The following ASAP1 variants were observed in gnomAD, a reference collection of about 807,000 sequenced individuals.
ASAP1 encodes arf-GAP with SH3 domain, ANK repeat and PH domain-containing protein 1.
A neutral mutation model predicts 145.2 loss-of-function variants in ASAP1; 43 were observed. The ratio of observed to expected loss-of-function variants is 0.30; its 90% CI spans 0.23 to 0.38. The LOEUF (loss-of-function observed/expected upper bound fraction) is 0.38, where lower values mean the gene tolerates loss of function less well. Ranked by LOEUF, ASAP1 falls within the 10% of genes least tolerant of loss-of-function variation. The pLI, the probability that ASAP1 is intolerant of heterozygous loss-of-function variation, is 1.00. For synonymous variants in ASAP1, 546 were observed against 515.5 expected, an observed-to-expected ratio of 1.06 and a Z score of -0.80; for missense variants, 1,018 against 1,355.3, an observed-to-expected ratio of 0.75 and a Z score of 3.91.
intron 23 of ASAP1, 101 bp downstream of exon 23, chr8:130,115,526 TA>T: frequency 1.1e-6 from 1 of 923,078 alleles, no homozygotes; most frequent in Non-Finnish European, 1.7e-6. Context: ...CATTGGATCA[TA>T]AAACCACAAT....
At chr8:130,321,052 T>C (rs573093509) in intron 3 of ASAP1, among the ~76,000 whole-genome samples, 1 of 152,282 alleles carries the variant, frequency 6.6e-6, no homozygotes, top group Non-Finnish European at 1.5e-5. Context: ...AACCTAAGGA[T>C]CCTTTCAATT....
chr8:130,214,295 C>T (rs576505674), intron 5 of ASAP1, among the ~76,000 whole-genome samples: 5 of 152,198 alleles, frequency 3.3e-5, no homozygotes, highest in East Asian at 3.9e-4. Context: ...CTCTCAGCTT[C>T]GATAAATCTA....
At chr8:130,121,175 A>G (rs10099820) in intron 18 of ASAP1, among the ~76,000 whole-genome samples, 14,199 of 152,132 alleles carry the variant, frequency 0.093, 921 homozygotes, top group Non-Finnish European at 0.14. Context: ...GTTTACCTTC[A>G]GCGCTCAGTG....
At chr8:130,245,568 C>G (rs1818797822) in intron 3 of ASAP1, among the ~76,000 whole-genome samples, 1 of 152,162 alleles carries the variant, frequency 6.6e-6, no homozygotes, top group South Asian at 2.1e-4. Flanking sequence ...CACCACCAAG[C>G]TATCAACTTC....
At chr8:130,346,086 C>T (rs1466797883) in intron 3 of ASAP1, among the ~76,000 whole-genome samples, 2 of 152,186 alleles carry the variant, frequency 1.3e-5, no homozygotes, top group Admixed American at 6.5e-5. Context: ...ATTTATAAAT[C>T]AAATGTAGTT....
intron 5 of ASAP1, among the ~76,000 whole-genome samples, chr8:130,208,270 A>T (rs1565090379): frequency 6.6e-6 from 1 of 151,990 alleles, no homozygotes; most frequent in African/African-American, 2.4e-5. Flanking sequence ...AATTCCCCCC[A>T]TTTTTGCATG....
At position 130,056,061 on chromosome 8, in the gene ASAP1, G is replaced by C. The variant is rs188276606; in HGVS notation, c.3316-1256C>G. 3.7e-4 allele frequency among the ~76,000 whole-genome samples: 56 copies of C among 152,336 alleles called. No homozygotes were observed. In the East Asian group the frequency reaches 6.6e-3, roughly 18 times the overall value. On this transcript the variant is annotated intron_variant, in intron 29 of 29. Coordinates refer to ENST00000518721, the MANE Select transcript of ASAP1 (RefSeq NM_018482.4). ...ATTCCCCGCAGGTATCTCTGCTGTAGTCATCAGTTGCTTAGCAAAGAACAT... is the reference window on the plus strand; with the variant it reads ...ATTCCCCGCAGGTATCTCTGCTGTACTCATCAGTTGCTTAGCAAAGAACAT...
intron 27 of ASAP1, among the ~76,000 whole-genome samples, chr8:130,065,665 C>G (rs1171336789): frequency 2.6e-5 from 4 of 152,154 alleles, no homozygotes; most frequent in African/African-American, 9.7e-5. Context: ...AATCACAGAT[C>G]CCTTATACCA....
intron 3 of ASAP1, among the ~76,000 whole-genome samples, chr8:130,279,289 C>T (rs1821112919): frequency 1.3e-5 from 2 of 152,138 alleles, no homozygotes; most frequent in Admixed American, 1.3e-4. Flanking sequence ...ATACACCCAG[C>T]ACTAGGGGTT....
intron 1 of ASAP1, among the ~76,000 whole-genome samples, chr8:130,441,417 A>G (rs1290792668): frequency 6.6e-6 from 1 of 152,212 alleles, no homozygotes; most frequent in Non-Finnish European, 1.5e-5. Context: ...TCTCCTAGAA[A>G]AGACCTTCCG....
At position 130,328,611 on chromosome 8, in the gene ASAP1, C is replaced by CTT. The variant is rs35169399; in HGVS notation, c.186+29404_186+29405dup. 5.4e-3 allele frequency among the ~76,000 whole-genome samples: 746 copies of CTT among 137,494 alleles called. 6 individuals carry two copies. Among genetic ancestry groups the CTT allele is most frequent in the African/African-American group, 9.8e-3 (364 of 37,258 alleles). The allele number at this position is 137,494 out of a possible 152,430, so 90.2% of individuals were successfully genotyped here. On this transcript the variant is annotated intron_variant, in intron 3 of 29. Transcript: ENST00000518721. Reference sequence around the variant, plus strand: ...ATTAATTAGTTATGGCTCAGTAGTTCTTTTTTTTTTTTTTTTAAGAGACAA... The same window carrying CTT: ...ATTAATTAGTTATGGCTCAGTAGTTCTTTTTTTTTTTTTTTTTTAAGAGACAA...
intron 3 of ASAP1, among the ~76,000 whole-genome samples, chr8:130,262,456 G>GGT (rs1491020424): frequency 1.6e-5 from 2 of 122,340 alleles, no homozygotes; most frequent in African/African-American, 6.2e-5. Context: ...GAGAGAGAGA[G>GGT]AACCTGTGGA....
At chr8:130,137,140 A>G in intron 13 of ASAP1, 102 bp from the exon 14 acceptor site, 1 of 908,134 alleles carries the variant, frequency 1.1e-6, no homozygotes, top group Non-Finnish European at 1.8e-6. Flanking sequence ...AGGCCTGCTC[A>G]GTGGTACAAA....
In ASAP1 at chr8:130,155,206, C is replaced by T. The variant is rs150058424; in HGVS notation, c.1011-2401G>A. On this transcript the variant is annotated intron_variant, in intron 12 of 29. Transcript: ENST00000518721. ...TATGGAAACAATACACACACACGCGCGCACACACCCCTTCTCTTCTGCTGC... is the reference window on the plus strand; with the variant it reads ...TATGGAAACAATACACACACACGCGTGCACACACCCCTTCTCTTCTGCTGC... Among the ~76,000 whole-genome samples the T allele has an allele frequency of 3.8e-3, 580 of 152,228 alleles. 10 individuals are homozygous for T. The highest frequency in any genetic ancestry group is 0.016 in the East Asian group (84 of 5,186).
At chr8:130,181,460 C>G (rs995043910) in intron 7 of ASAP1, among the ~76,000 whole-genome samples, 2 of 152,172 alleles carry the variant, frequency 1.3e-5, no homozygotes, top group Non-Finnish European at 2.9e-5. Context: ...TGCAAGACTT[C>G]AATTATTTCA....
chr8:130,428,269 T>C (rs1394411736), intron 1 of ASAP1, among the ~76,000 whole-genome samples: 1 of 151,474 alleles, frequency 6.6e-6, no homozygotes, highest in East Asian at 2.0e-4. Flanking sequence ...TCCCAAAAAA[T>C]GCCACTGGAG....
chr8:130,078,217 T>C (rs2097468851), intron 26 of ASAP1, among the ~76,000 whole-genome samples: 1 of 152,166 alleles, frequency 6.6e-6, no homozygotes, highest in South Asian at 2.1e-4. Flanking sequence ...CCTGAACTCC[T>C]GACCTCAAGT....
intron 3 of ASAP1, among the ~76,000 whole-genome samples, chr8:130,341,993 A>G (rs972225660): frequency 3.9e-5 from 6 of 152,176 alleles, no homozygotes; most frequent in African/African-American, 1.4e-4. Context: ...AACTAACTTC[A>G]GCATAAGTTG....
chr8:130,262,704 A>C (rs567639332), intron 3 of ASAP1, among the ~76,000 whole-genome samples: 1 of 152,300 alleles, frequency 6.6e-6, no homozygotes, highest in East Asian at 1.9e-4. Flanking sequence ...GGCTCCATTG[A>C]AAATTCCCCC....
Sources: allele counts gnomAD v4.1 joint callset (sites outside exome capture counted in the v4.1 genomes callset), GRCh38; gene constraint gnomAD v4.1.1; transcripts MANE v1.5; gene names NCBI Gene and HGNC (gene_info 2026-07-23, HGNC 2026-07-21).